TPP2: variants seen among roughly 807,000 people sequenced by gnomAD.
The protein encoded by TPP2 is tripeptidyl peptidase 2.
Under a neutral mutation model 155.9 loss-of-function variants are expected in TPP2, and 34 were observed. That is an observed-to-expected ratio of 0.22 (90% CI 0.17 to 0.29). TPP2 has a LOEUF of 0.29. TPP2 is among the 10% of genes least tolerant of loss of function. TPP2 has a pLI of 1.00. For synonymous variants in TPP2, 510 were observed against 529.4 expected, an observed-to-expected ratio of 0.96 and a Z score of 0.50; for missense variants, 1,028 against 1,522.3, an observed-to-expected ratio of 0.68 and a Z score of 5.40.
chr13:102,607,778 A>G (rs1306827549), intron 2 of TPP2: 3 of 326,170 alleles, frequency 9.2e-6, no homozygotes, highest in Admixed American at 3.3e-5. Flanking sequence ...TTTAGTAGAG[A>G]TGGAATTTTG....
chr13:102,597,349 CAGAGCCAGGCGCGGG>C, intron 1 of TPP2, 146 bp downstream of exon 1: 1 of 438,542 alleles, frequency 2.3e-6, no homozygotes, highest in Non-Finnish European at 3.7e-6. Context: ...GGGCAGAGGT[CAGAGCCAGGCGCGGG>C]AGGGACGGGC....
At chr13:102,664,134 C>G (rs538323999) in intron 26 of TPP2, among the ~76,000 whole-genome samples, 1 of 152,264 alleles carries the variant, frequency 6.6e-6, no homozygotes, top group African/African-American at 2.4e-5. Flanking sequence ...GGCCATAGTT[C>G]TAGTCTGTCA....
rs1883350368 is a variant in TPP2, at chr13:102,649,409, A to G, written c.2875A>G (p.Ile959Val). Reference protein sequence around the residue: ...FFVTSLPDDKIPKGAGPGCYL... With the variant: ...FFVTSLPDDKVPKGAGPGCYL... ...TTCTCTTTGAATTCTCTTGTTTAGA[A>G]TACCTAAAGGGGCAGGACCTGGATG... Residue 959 changes from isoleucine (I) to valine (V), a missense_variant and splice_region_variant, in exon 23 of 30, where the codon ATA becomes GTA. Ile to Val is a conservative substitution (Grantham distance 29). Around this residue, in one of 7 missense-constraint regions of TPP2, gnomAD observed 179 missense variants for 274.7 expected, o/e 0.65. Coordinates refer to ENST00000376052, the MANE Select transcript of TPP2 (RefSeq NM_001330588.2). The G allele has an allele frequency of 6.2e-7, 1 of 1,607,064 alleles. No homozygotes were observed. Among genetic ancestry groups the G allele is most frequent in the African/African-American group, 1.3e-5 (1 of 74,468 alleles).
At chr13:102,619,502 C>T (rs922063929) in intron 5 of TPP2, among the ~76,000 whole-genome samples, 105 of 152,116 alleles carry the variant, frequency 6.9e-4, no homozygotes, top group African/African-American at 2.2e-3. Flanking sequence ...TTGTAGTCTG[C>T]GTCCCTGCTT....
intron 17 of TPP2, among the ~76,000 whole-genome samples, chr13:102,643,627 C>T (rs1191565615): frequency 1.3e-5 from 2 of 152,056 alleles, no homozygotes; most frequent in Non-Finnish European, 2.9e-5. Flanking sequence ...GGTAGATTCT[C>T]GTGCCTTGTA....
chr13:102,677,493 G>A (rs991139588), intron 29 of TPP2, among the ~76,000 whole-genome samples: 8 of 152,108 alleles, frequency 5.3e-5, no homozygotes, highest in Non-Finnish European at 1.0e-4. Context: ...TAAGGCCCCT[G>A]CCTACCTCTC....
intron 6 of TPP2, 80 bp downstream of exon 6, chr13:102,623,120 T>C: frequency 7.0e-7 from 1 of 1,431,400 alleles, no homozygotes; most frequent in Non-Finnish European, 9.4e-7. Flanking sequence ...CACAGCAACC[T>C]TCTAGAGAAT....
chr13:102,679,808 A>C lies in TPP2; in HGVS notation c.*1492A>C, dbSNP rs112552001. 6.6e-6 allele frequency: 1 copy of C among 152,250 alleles called. No individual in the cohort carries two copies. Among genetic ancestry groups the C allele is most frequent in the Admixed American group, 6.5e-5 (1 of 15,288 alleles). 9.4% of individuals were successfully genotyped at this position (152,250 alleles called of 1,614,324 possible). On this transcript the variant is annotated 3_prime_UTR_variant, in exon 30 of 30. Transcript: ENST00000376052. The stretch of plus-strand genomic sequence containing the variant: ...CTTCCCAAGGTTATACGGCTGATCA[A>C]CTGTTGGAAATTAATTACAGACCTT...
rs1258722434 is a variant in TPP2, at chr13:102,678,418, C to T, written c.*102C>T. The stretch of plus-strand genomic sequence containing the variant: ...TTAGTCTAATGCATGTTTTCATCCA[C>T]TATCCAGTACTGATTATTAAAATGA... On this transcript the variant is annotated 3_prime_UTR_variant, in exon 30 of 30. Coordinates refer to ENST00000376052, the MANE Select transcript of TPP2 (RefSeq NM_001330588.2). The T allele has an allele frequency of 8.2e-6, 7 of 856,550 alleles. No individual in the cohort carries two copies. Among genetic ancestry groups the T allele is most frequent in the Admixed American group, 6.9e-5 (3 of 43,412 alleles). The allele number at this position is 856,550 out of a possible 1,614,324, so 53.1% of individuals were successfully genotyped here.
Position 102,651,341 on chromosome 13 carries a change from T to C in TPP2, c.2953-18T>C, listed in dbSNP as rs1472031258. ...AGATTATGCATGTTTTCTTACAGAA[T>C]GTCGTTCTAACTCCCAGGGGCAGTC... is the stretch of plus-strand genomic sequence containing the variant. On this transcript the variant is annotated intron_variant, in intron 23 of 29. Coordinates refer to ENST00000376052, the MANE Select transcript of TPP2 (RefSeq NM_001330588.2). 2.5e-6 allele frequency: 4 copies of C among 1,573,278 alleles called. No individual in the cohort carries two copies. Among genetic ancestry groups the C allele is most frequent in the East Asian group, 4.6e-5 (2 of 43,422 alleles).
intron 5 of TPP2, among the ~76,000 whole-genome samples, 177 bp from the exon 6 acceptor site, chr13:102,622,700 A>G (rs546257651): frequency 1.3e-5 from 2 of 152,328 alleles, no homozygotes; most frequent in South Asian, 2.1e-4. Context: ...GCTGTAAGCT[A>G]TCTTACCTAA....
chr13:102,620,117 C>G (rs1247898706), intron 5 of TPP2, among the ~76,000 whole-genome samples: 1 of 152,200 alleles, frequency 6.6e-6, no homozygotes, highest in Non-Finnish European at 1.5e-5. Flanking sequence ...TCTGAAAACA[C>G]TGCAGATTAC....
chr13:102,616,608 T>C, intron 4 of TPP2, 108 bp downstream of exon 4: 5 of 930,306 alleles, frequency 5.4e-6, no homozygotes, highest in Non-Finnish European at 7.5e-6. Flanking sequence ...TTTCACAAAT[T>C]TTCTTTTAAG....
chr13:102,607,554 T>C, intron 2 of TPP2: 1 of 333,528 alleles, frequency 3.0e-6, no homozygotes, highest in South Asian at 2.2e-5. Context: ...TCTTGCAGGC[T>C]TAGAGCCATA....
chr13:102,597,997 G>A (rs1294619360), intron 1 of TPP2, among the ~76,000 whole-genome samples: 1 of 151,530 alleles, frequency 6.6e-6, no homozygotes, highest in Admixed American at 6.6e-5. Context: ...TTTTAAACCT[G>A]AAAACATACG....
intron 25 of TPP2, among the ~76,000 whole-genome samples, chr13:102,663,330 T>C (rs1363612998): frequency 6.6e-6 from 1 of 152,142 alleles, no homozygotes; most frequent in African/African-American, 2.4e-5. Context: ...GTAGTTTTAG[T>C]AGAGACGGGG....
chr13:102,627,710 G>T, intron 7 of TPP2, 138 bp from the exon 8 acceptor site: 1 of 608,260 alleles, frequency 1.6e-6, no homozygotes, highest in South Asian at 2.1e-5. Context: ...CAGGTATATG[G>T]TGATATGCCT....
intron 25 of TPP2, among the ~76,000 whole-genome samples, chr13:102,663,284 A>T (rs1241342153): frequency 6.6e-6 from 1 of 152,094 alleles, no homozygotes; most frequent in Non-Finnish European, 1.5e-5. Context: ...AGTATCTGGG[A>T]CTACAGGCAT....
intron 1 of TPP2, among the ~76,000 whole-genome samples, chr13:102,601,169 A>C (rs1057069211): frequency 1.3e-5 from 2 of 152,114 alleles, no homozygotes; most frequent in South Asian, 2.1e-4. Context: ...TTTTCTTTCC[A>C]ACCAATAGTA....
Sources: gnomAD v4.1 joint callset for allele counts (sites outside exome capture counted in the v4.1 genomes callset) on GRCh38, gnomAD v4.1.1 for gene constraint, gnomAD v4.1.1 regional missense constraint, MANE v1.5 for transcripts, NCBI Gene and HGNC (gene_info 2026-07-23, HGNC 2026-07-21) for gene names.